The following MARF1 variants were observed in gnomAD, a reference collection of about 807,000 sequenced individuals.
The protein encoded by MARF1 is limkain-b1.
MARF1 carries 24 observed loss-of-function variants against 168.2 expected under a neutral mutation model. That is an observed-to-expected ratio of 0.14 (90% CI 0.10 to 0.20). The LOEUF is 0.20. Among genes scored for constraint, MARF1 ranks in the 10% least tolerant of loss-of-function variants. The probability of loss-of-function intolerance (pLI) is 1.00; values close to 1 mark genes in which losing one functional copy is unlikely to be tolerated. For synonymous variants in MARF1, 868 were observed against 822.4 expected (o/e 1.06, Z -0.95); for missense variants, 1,744 against 2,143.6 (o/e 0.81, Z 3.68).
chr16:15,609,987 G>C (rs1291708463), intron 19 of MARF1, among the ~76,000 whole-genome samples: 2 of 152,046 alleles, frequency 1.3e-5, no homozygotes, highest in African/African-American at 4.8e-5. Flanking sequence ...TAGAAACAAT[G>C]TCATCTTATA....
rs751943147 is a variant in MARF1, at chr16:15,617,179, A to G, written c.2958-8T>C. The stretch of plus-strand genomic sequence containing the variant: ...GGATCAAATTCATGTTCGCTGAAGA[A>G]AAGAGAACACAATTGGAAGCTGACA... On this transcript the variant is annotated splice_polypyrimidine_tract_variant and splice_region_variant and intron_variant, in intron 14 of 26. Coordinates refer to ENST00000396368, the MANE Select transcript of MARF1 (RefSeq NM_014647.4). 6.8e-6 allele frequency: 11 copies of G among 1,613,566 alleles called. No homozygotes were observed. The highest frequency in any genetic ancestry group is 8.5e-6 in the Non-Finnish European group (10 of 1,179,862).
chr16:15,597,989 A>G (rs2031930766), intron 26 of MARF1, among the ~76,000 whole-genome samples: 2 of 152,294 alleles, frequency 1.3e-5, no homozygotes, highest in South Asian at 4.1e-4. Flanking sequence ...AGAACAACCA[A>G]GATGGTAAAA....
In MARF1 at chr16:15,635,887, C is replaced by A; in HGVS notation, c.600G>T (p.Gln200His). 6.2e-7 allele frequency: 1 copy of A among 1,614,156 alleles called. No homozygotes were observed. Among genetic ancestry groups the A allele is most frequent in the Non-Finnish European group, 8.5e-7 (1 of 1,180,028 alleles). Residue 200 changes from glutamine (Q) to histidine (H), a missense_variant, in exon 3 of 27, where the codon CAG (glutamine) becomes CAT (histidine). Physicochemically the swap from Gln to His is conservative, Grantham distance 24. Transcript: ENST00000396368. The stretch of plus-strand genomic sequence containing the variant: ...GCTTGTGCACATTACCATGACATGA[C>A]TGGAAGTGGAGTTTTCCACAACAGG... ...HLPCCGKLHF[Q>H]SCHGNVHKLH...
chr16:15,621,965 C>G, intron 11 of MARF1, 54 bp from the exon 12 acceptor site: 1 of 1,542,274 alleles, frequency 6.5e-7, no homozygotes, highest in Non-Finnish European at 8.9e-7. Context: ...ACCCTGTCGT[C>G]TTAAAACTGA....
chr16:15,633,562 AAT>A, intron 5 of MARF1, 53 bp downstream of exon 5: 1 of 1,305,778 alleles, frequency 7.7e-7, no homozygotes, highest in Non-Finnish European at 1.1e-6. Flanking sequence ...CAAACAAACA[AAT>A]ATCTGCTTAT....
intron 11 of MARF1, 76 bp downstream of exon 11, chr16:15,622,858 A>G (rs1339968665): frequency 6.6e-6 from 8 of 1,206,620 alleles, no homozygotes; most frequent in South Asian, 5.0e-5. Flanking sequence ...GTGGTTATGT[A>G]TATCAAATTA....
At position 15,624,899 on chromosome 16, in the gene MARF1, T is replaced by TAAC. The variant is rs762117681; in HGVS notation, c.2137_2139dup (p.Val713dup). 6.2e-7 allele frequency: 1 copy of TAAC among 1,614,202 alleles called. No homozygotes were observed. Among genetic ancestry groups the TAAC allele is most frequent in the Non-Finnish European group, 8.5e-7 (1 of 1,180,050 alleles). ...TCTTTTTTCTCTACAGGAGAACTGGTAACACTTCGGGCACTGAGGTTCTCC... is the reference window on the plus strand; with the variant it reads ...TCTTTTTTCTCTACAGGAGAACTGGTAACAACACTTCGGGCACTGAGGTTCTCC... On this transcript the variant is annotated inframe_insertion, in exon 10 of 27. Coordinates refer to ENST00000396368, the MANE Select transcript of MARF1 (RefSeq NM_014647.4).
intron 19 of MARF1, 59 bp downstream of exon 19, chr16:15,610,916 A>C (rs1209600164): frequency 6.5e-7 from 1 of 1,539,258 alleles, no homozygotes; most frequent in Non-Finnish European, 8.9e-7. Flanking sequence ...TCCATGCCAC[A>C]CTATGTTAAA....
intron 22 of MARF1, 148 bp from the exon 23 acceptor site, chr16:15,602,351 TGAA>T (rs1482005242): frequency 1.5e-4 from 100 of 648,342 alleles, no homozygotes; most frequent in East Asian, 8.8e-4. Flanking sequence ...AAGATGAAGA[TGAA>T]GAAGGAGACA....
At chr16:15,616,068 C>A (rs2151148367) in intron 15 of MARF1, 63 bp from the exon 16 acceptor site, 1 of 1,316,796 alleles carries the variant, frequency 7.6e-7, no homozygotes, top group South Asian at 1.8e-5. Flanking sequence ...AAAGGAGGCG[C>A]TTGCTAAACA....
In MARF1 at chr16:15,615,884, T is replaced by C; in HGVS notation, c.3199A>G (p.Asn1067Asp). 1 of 1,599,722 alleles carries C rather than the reference T, an allele frequency of 6.3e-7. No homozygotes were observed. The highest frequency in any genetic ancestry group is 1.1e-5 in the South Asian group (1 of 88,910). ...VPGVNIATAQ[N>D]GIKVVKWIHN... ...ATCCATTTAACCACTTTGATGCCATTCTGAGCAGTGGCAATGTTTACACCT... is the reference window on the plus strand; with the variant it reads ...ATCCATTTAACCACTTTGATGCCATCCTGAGCAGTGGCAATGTTTACACCT... The change falls in exon 16 of 27, where the codon AAT (asparagine) becomes GAT (aspartate). Residue 1067 changes from asparagine to aspartate, a missense_variant. By Grantham distance (23) the Asn-to-Asp change is conservative (BLOSUM62 1). Around this residue, in one of 7 missense-constraint regions of MARF1, gnomAD observed 543 missense variants for 742.1 expected, o/e 0.73. Coordinates refer to ENST00000396368, the MANE Select transcript of MARF1 (RefSeq NM_014647.4).
intron 2 of MARF1, among the ~76,000 whole-genome samples, chr16:15,637,906 G>A (rs78595865): frequency 2.0e-5 from 3 of 152,326 alleles, no homozygotes; most frequent in South Asian, 2.1e-4. Context: ...GGTGGCTCAC[G>A]CCTGTAATCC....
intron 10 of MARF1, 149 bp from the exon 11 acceptor site, chr16:15,623,272 A>ATTTTTTT (rs1567566905): frequency 3.5e-6 from 1 of 287,434 alleles, no homozygotes; most frequent in Non-Finnish European, 5.6e-6. Flanking sequence ...TGTGTTTTTA[A>ATTTTTTT]TCTTTTTTTT....
chr16:15,606,294 C>T (rs759445971), intron 21 of MARF1, among the ~76,000 whole-genome samples: 2 of 152,104 alleles, frequency 1.3e-5, no homozygotes, highest in African/African-American at 4.8e-5. Flanking sequence ...TATTTAAATT[C>T]GCTCATCCCA....
intron 22 of MARF1, chr16:15,602,456 G>C (rs927432770): frequency 1.3e-5 from 8 of 601,674 alleles, no homozygotes; most frequent in African/African-American, 1.3e-4. Context: ...CGAAGATAAA[G>C]ACGACAAAGA....
intron 10 of MARF1, 48 bp from the exon 11 acceptor site, chr16:15,623,171 T>C (rs758322826): frequency 2.1e-6 from 3 of 1,406,596 alleles, no homozygotes; most frequent in Admixed American, 2.2e-5. Flanking sequence ...CTGTTCTGTA[T>C]ATTTAGATTT....
chr16:15,615,206 T>C (rs1179495026), intron 16 of MARF1, among the ~76,000 whole-genome samples: 1 of 152,142 alleles, frequency 6.6e-6, no homozygotes, highest in African/African-American at 2.4e-5. Flanking sequence ...TGTTGGTACT[T>C]TCAAACTGGC....
In MARF1 at chr16:15,604,262, T is replaced by C; in HGVS notation, c.4319A>G (p.His1440Arg). ...THLSVEELKR[H>R]YESTHNTPLN... ...GGGAGTGTTGTGGGTACTTTCGTAATGTCTCTTGAGCTCCTCAACAGAAAG... is the reference window on the plus strand; with the variant it reads ...GGGAGTGTTGTGGGTACTTTCGTAACGTCTCTTGAGCTCCTCAACAGAAAG... The change falls in exon 22 of 27, where the codon CAT becomes CGT. Residue 1440 changes from histidine to arginine, a missense_variant. By Grantham distance (29) the His-to-Arg change is conservative. Transcript: ENST00000396368. 2 of 1,614,178 alleles carry C rather than the reference T, an allele frequency of 1.2e-6. No individual in the cohort carries two copies. The highest frequency in any genetic ancestry group is 8.5e-7 in the Non-Finnish European group (1 of 1,180,008).
chr16:15,616,132 G>C, intron 15 of MARF1, 127 bp from the exon 16 acceptor site: 1 of 727,658 alleles, frequency 1.4e-6, no homozygotes, highest in Non-Finnish European at 2.0e-6. Context: ...CCCACCACCA[G>C]GTTTGAAGGT....
Sources: gnomAD v4.1 joint callset for allele counts (sites outside exome capture counted in the v4.1 genomes callset) on GRCh38, gnomAD v4.1.1 for gene constraint, gnomAD v4.1.1 regional missense constraint, MANE v1.5 for transcripts, NCBI Gene and HGNC (gene_info 2026-07-23, HGNC 2026-07-21) for gene names.